The following EPB41L4A variants were observed in gnomAD, a reference collection of about 807,000 sequenced individuals.
The protein encoded by EPB41L4A is erythrocyte membrane protein band 4.1 like 4A.
A neutral mutation model predicts 108.6 loss-of-function variants in EPB41L4A; 100 were observed. That is an observed-to-expected ratio of 0.92 (90% confidence interval 0.78 to 1.09). EPB41L4A has a LOEUF of 1.09. EPB41L4A is among the 50% of genes least tolerant of loss of function. The pLI, the probability that EPB41L4A is intolerant of heterozygous loss-of-function variation, is 0.00. For missense variants in EPB41L4A, 1,030 were observed against 842.7 expected (o/e 1.22, Z -2.75); for synonymous variants, 319 against 289.0 (o/e 1.10, Z -1.05).
rs186161128 is a variant in EPB41L4A, at chr5:112,397,501, A to G, written c.99+21440T>C. On this transcript the variant is annotated intron_variant, in intron 1 of 22. Coordinates refer to ENST00000261486, the MANE Select transcript of EPB41L4A (RefSeq NM_022140.5). Reference sequence around the variant, plus strand: ...ATGTAAAGTGAGTGGCAGATGCAATATGAATATGAATTTAGAGAAGAGACC... The same window carrying G: ...ATGTAAAGTGAGTGGCAGATGCAATGTGAATATGAATTTAGAGAAGAGACC... Among the ~76,000 whole-genome samples the G allele has an allele frequency of 7.9e-5, 12 of 152,342 alleles. No individual in the cohort carries two copies. The East Asian group carries it at 1.7e-3, about 22-fold the overall frequency.
chr5:112,400,450 C>G lies in EPB41L4A; in HGVS notation c.99+18491G>C, dbSNP rs1048597466. 8.5e-5 allele frequency among the ~76,000 whole-genome samples: 13 copies of G among 152,144 alleles called. No homozygotes were observed. In the East Asian group the frequency reaches 2.5e-3, roughly 29 times the overall value. On this transcript the variant is annotated intron_variant, in intron 1 of 22. Coordinates refer to ENST00000261486, the MANE Select transcript of EPB41L4A (RefSeq NM_022140.5). ...AGGCAGTACAAGCACGGCACAGCAT[C>G]TGCTTGGCTTCTGGGGAGGCCTCAG...
chr5:112,405,116 G>A (rs1401747417), intron 1 of EPB41L4A, among the ~76,000 whole-genome samples: 2 of 152,224 alleles, frequency 1.3e-5, no homozygotes, highest in African/African-American at 4.8e-5. Context: ...ATAAAAGACT[G>A]TGGCTTCCAT....
chr5:112,160,181 AT>A (rs1759804215), downstream of EPB41L4A, among the ~76,000 whole-genome samples: 1 of 152,094 alleles, frequency 6.6e-6, no homozygotes, highest in Non-Finnish European at 1.5e-5. Flanking sequence ...AAGTGCTGGG[AT>A]TACAGGCATG....
intron 1 of EPB41L4A, among the ~76,000 whole-genome samples, chr5:112,396,682 T>A (rs1761375747): frequency 6.6e-6 from 1 of 152,220 alleles, no homozygotes; most frequent in South Asian, 2.1e-4. Flanking sequence ...CACACAGGCC[T>A]CACCACAGGT....
intron 18 of EPB41L4A, among the ~76,000 whole-genome samples, chr5:112,177,991 G>A (rs1277448632): frequency 1.3e-5 from 2 of 151,860 alleles, no homozygotes; most frequent in East Asian, 3.9e-4. Flanking sequence ...TATGTTAACT[G>A]CTAGCAGGCT....
At chr5:112,399,376 G>A (rs142735514) in intron 1 of EPB41L4A, among the ~76,000 whole-genome samples, 53 of 152,164 alleles carry the variant, frequency 3.5e-4, no homozygotes, top group African/African-American at 1.2e-3. Context: ...TCCCAGACCT[G>A]TGTAATCACC....
At chr5:112,331,577 G>C (rs1756570136) in intron 1 of EPB41L4A, among the ~76,000 whole-genome samples, 1 of 152,162 alleles carries the variant, frequency 6.6e-6, no homozygotes, top group African/African-American at 2.4e-5. Flanking sequence ...TGGTGCCTGG[G>C]GCCAGAGCAG....
At position 112,286,819 on chromosome 5, in the gene EPB41L4A, A is replaced by G. The variant is rs191246530; in HGVS notation, c.205-6496T>C. On this transcript the variant is annotated intron_variant, in intron 2 of 22. Coordinates refer to ENST00000261486, the MANE Select transcript of EPB41L4A (RefSeq NM_022140.5). The stretch of plus-strand genomic sequence containing the variant: ...ACAAAACCAAAAAACTTTGACTCCC[A>G]TACCTGTCCATTTCACTTCTGTGCT... Among the ~76,000 whole-genome samples, 543 of 151,884 alleles carry G rather than the reference A, an allele frequency of 3.6e-3. 3 individuals are homozygous for G. Among genetic ancestry groups the G allele is most frequent in the Middle Eastern group, 6.8e-3 (2 of 294 alleles).
At chr5:112,181,245 A>C (rs1038946884) in intron 18 of EPB41L4A, among the ~76,000 whole-genome samples, 2 of 151,122 alleles carry the variant, frequency 1.3e-5, no homozygotes, top group Non-Finnish European at 3.0e-5. Flanking sequence ...AGGTCAGGAG[A>C]TCGAGACCAT....
At chr5:112,264,530 G>GAA (rs34481169) in intron 6 of EPB41L4A, 2,164 of 143,092 alleles carry the variant, frequency 0.015, 43 homozygotes, top group African/African-American at 0.053. Context: ...ACTGGTGACT[G>GAA]AAAAAAAAAA....
intron 9 of EPB41L4A, chr5:112,256,892 T>A (rs907051772): frequency 6.6e-6 from 1 of 152,198 alleles, no homozygotes; most frequent in Non-Finnish European, 1.5e-5. Context: ...ACAGTGAACA[T>A]GTACGATCTT....
At chr5:112,389,422 G>A (rs2112659728) in intron 1 of EPB41L4A, among the ~76,000 whole-genome samples, 1 of 152,276 alleles carries the variant, frequency 6.6e-6, no homozygotes, top group East Asian at 1.9e-4. Context: ...ACAAAACAGA[G>A]TTGTTATCTG....
chr5:112,317,642 A>G (rs35538937), intron 1 of EPB41L4A, among the ~76,000 whole-genome samples: 9,804 of 152,238 alleles, frequency 0.064, 386 homozygotes, highest in Middle Eastern at 0.092. Flanking sequence ...GTCACAGGGC[A>G]TATCACAACA....
chr5:112,209,483 C>A (rs1012038967), intron 13 of EPB41L4A, among the ~76,000 whole-genome samples: 1 of 152,212 alleles, frequency 6.6e-6, no homozygotes, highest in African/African-American at 2.4e-5. Flanking sequence ...ATGCCATAAA[C>A]CCTCTTTCCA....
At chr5:112,168,707 C>T (rs1233321273) in intron 22 of EPB41L4A, 32 bp downstream of exon 22, 3 of 1,572,414 alleles carry the variant, frequency 1.9e-6, no homozygotes, top group Non-Finnish European at 2.6e-6. Context: ...GTCATCAATA[C>T]AACACCTTCT....
intron 1 of EPB41L4A, among the ~76,000 whole-genome samples, chr5:112,385,137 C>T (rs944995458): frequency 2.0e-5 from 3 of 152,204 alleles, no homozygotes; most frequent in African/African-American, 7.2e-5. Context: ...CCTCAGCCTA[C>T]AGCCTGACAA....
chr5:112,195,711 G>C lies in EPB41L4A; in HGVS notation c.1377-3C>G, dbSNP rs775272932. On this transcript the variant is annotated splice_polypyrimidine_tract_variant and splice_region_variant and intron_variant, in intron 15 of 22. Transcript: ENST00000261486. Reference sequence around the variant, plus strand: ...CTTCACCACTGTTATGGGCTTTCCTGTGAAAACAAATGAAGACATTTAAGA... The same window carrying C: ...CTTCACCACTGTTATGGGCTTTCCTCTGAAAACAAATGAAGACATTTAAGA... 1.2e-6 allele frequency: 2 copies of C among 1,611,808 alleles called. No homozygotes were observed. The highest frequency in any genetic ancestry group is 1.7e-4 in the Middle Eastern group (1 of 6,048).
rs200812889 is a variant in EPB41L4A at position 112,169,017 on chromosome 5, G to A, written c.1828C>T (p.Arg610Ter). The change falls in exon 21 of 23, where the codon CGA becomes TGA. Residue 610 changes from arginine (R) to a stop codon, truncating the protein, a stop_gained. Coordinates refer to ENST00000261486, the MANE Select transcript of EPB41L4A (RefSeq NM_022140.5). LOFTEE classifies it high-confidence loss of function. ...YRRSQCSDGE[R>*]SVLSEVNSKT... ...TACTTCACTTCCGAGAGAACTGATC[G>A]CTCCCCATCTGAACACTGGGACCTG... 182 of 1,613,332 alleles carry A rather than the reference G, an allele frequency of 1.1e-4. 1 individual carries two copies. The highest frequency in any genetic ancestry group is 1.5e-4 in the Non-Finnish European group (172 of 1,179,456).
chr5:112,189,630 G>A (rs1761593435), intron 17 of EPB41L4A, among the ~76,000 whole-genome samples: 1 of 152,084 alleles, frequency 6.6e-6, no homozygotes, highest in Admixed American at 6.6e-5. Flanking sequence ...TCGTTTCTCT[G>A]TTTTAATACT....
Sources: allele counts gnomAD v4.1 joint callset (sites outside exome capture counted in the v4.1 genomes callset), GRCh38; gene constraint gnomAD v4.1.1; transcripts MANE v1.5; gene names NCBI Gene and HGNC (gene_info 2026-07-23, HGNC 2026-07-21).